The following DNMT3B variants were observed in gnomAD, a reference collection of about 807,000 sequenced individuals.
DNMT3B encodes the protein DNA (cytosine-5)-methyltransferase 3B.
Under a neutral mutation model 120.2 loss-of-function variants are expected in DNMT3B, and 37 were observed. That is an observed-to-expected ratio of 0.31 (90% CI 0.24 to 0.40). The LOEUF is 0.40. DNMT3B is among the 10% of genes least tolerant of loss of function. The pLI is 1.00. For synonymous variants in DNMT3B, 412 were observed against 442.8 expected (o/e 0.93, Z 0.87); for missense variants, 878 against 1,137.3 (o/e 0.77, Z 3.28).
intron 5 of DNMT3B, 39 bp downstream of exon 5, chr20:32,786,666 C>G: frequency 6.2e-7 from 1 of 1,612,794 alleles, no homozygotes; most frequent in South Asian, 1.1e-5. Context: ...CCCGCAGTCT[C>G]TAACTGGGAG....
chr20:32,787,421 C>T lies in DNMT3B; in HGVS notation c.624C>T (p.Asp208=), dbSNP rs1979457088. Reference sequence around the variant, plus strand: ...TGGAGTCCCCGCAGGTGGAGGCAGACAGTGGAGATGGAGACAGTTCAGAGT... The same window carrying T: ...TGGAGTCCCCGCAGGTGGAGGCAGATAGTGGAGATGGAGACAGTTCAGAGT... ...GGMESPQVEA[D]SGDGDSSEYQ... The change falls in exon 6 of 23, where the codon GAC becomes GAT. Residue 208 remains aspartate, a synonymous_variant. Transcript: ENST00000328111. 4 of 1,614,170 alleles carry T rather than the reference C, an allele frequency of 2.5e-6. No homozygotes were observed. The highest frequency in any genetic ancestry group is 3.4e-6 in the Non-Finnish European group (4 of 1,180,030).
At chr20:32,792,865 AG>A in intron 9 of DNMT3B, 95 bp downstream of exon 9, 1 of 1,551,074 alleles carries the variant, frequency 6.4e-7, no homozygotes, top group Non-Finnish European at 8.8e-7. Context: ...CACCCCACCC[AG>A]CTTTCTAGCA....
At chr20:32,788,433 A>G (rs1979583382) in intron 6 of DNMT3B, among the ~76,000 whole-genome samples, 1 of 152,078 alleles carries the variant, frequency 6.6e-6, no homozygotes, top group Non-Finnish European at 1.5e-5. Context: ...GTATGTATTT[A>G]TGTGTTGTTA....
At chr20:32,775,997 G>GGCGA (rs1319812975) in intron 1 of DNMT3B, among the ~76,000 whole-genome samples, 1 of 152,162 alleles carries the variant, frequency 6.6e-6, no homozygotes, top group Non-Finnish European at 1.5e-5. Flanking sequence ...CCCAGGCCAA[G>GGCGA]GCGAGTAGAT....
chr20:32,780,031 A>G, intron 1 of DNMT3B: 1 of 1,546,808 alleles, frequency 6.5e-7, no homozygotes. Flanking sequence ...AATTGCACAG[A>G]GCAGTCTGAG....
At chr20:32,782,054 A>G (rs1053294118) in intron 3 of DNMT3B, among the ~76,000 whole-genome samples, 5 of 152,252 alleles carry the variant, frequency 3.3e-5, no homozygotes, top group Non-Finnish European at 7.3e-5. Context: ...TCATATGCTG[A>G]AGTTGTTAGA....
Position 32,808,006 on chromosome 20 carries a change from G to A in DNMT3B, c.*103G>A, listed in dbSNP as rs1435071897. 5 of 1,592,412 alleles carry A rather than the reference G, an allele frequency of 3.1e-6. No individual in the cohort carries two copies. Among genetic ancestry groups the A allele is most frequent in the Non-Finnish European group, 4.3e-6 (5 of 1,167,390 alleles). On this transcript the variant is annotated 3_prime_UTR_variant, in exon 23 of 23. Coordinates refer to ENST00000328111, the MANE Select transcript of DNMT3B (RefSeq NM_006892.4). ...AGGCCCTGCTCTTCCTCAGCTGTGT[G>A]GGTCATACCGTGTACCTCAGTTCCC...
chr20:32,806,995 TTC>T (rs1982051474), intron 22 of DNMT3B, among the ~76,000 whole-genome samples: 2 of 152,248 alleles, frequency 1.3e-5, no homozygotes, highest in Non-Finnish European at 2.9e-5. Context: ...ACCAACAGTT[TTC>T]TGAGTATAAA....
intron 21 of DNMT3B, among the ~76,000 whole-genome samples, 166 bp from the exon 22 acceptor site, chr20:32,806,043 G>A (rs571665518): frequency 3.3e-5 from 5 of 151,816 alleles, no homozygotes; most frequent in Admixed American, 6.6e-5. Flanking sequence ...CCTCTCCCGC[G>A]CCTGCCCTCT....
chr20:32,802,716 G>T (rs551950531), intron 20 of DNMT3B, among the ~76,000 whole-genome samples: 2 of 152,118 alleles, frequency 1.3e-5, no homozygotes, highest in Non-Finnish European at 2.9e-5. Context: ...AAAGTCCCAC[G>T]TGGCTGGGTG....
rs368437593 is a variant in DNMT3B at position 32,809,123 on chromosome 20, T to A, written c.*1220T>A. On this transcript the variant is annotated 3_prime_UTR_variant, in exon 23 of 23. Coordinates refer to ENST00000328111, the MANE Select transcript of DNMT3B (RefSeq NM_006892.4). ...TTCTTACTGGTGCTATTTTGTAGAA[T>A]AAGGAACAACGTTGACAAGTTTTGT... 3.6e-4 allele frequency: 77 copies of A among 216,662 alleles called. No individual in the cohort carries two copies. The highest frequency in any genetic ancestry group is 1.5e-3 in the African/African-American group (66 of 44,612). 13.4% of individuals were successfully genotyped at this position (216,662 alleles called of 1,614,324 possible). A position where few individuals can be genotyped will look rare whatever the true frequency, so the allele number is the denominator to read the frequency against.
intron 2 of DNMT3B, among the ~76,000 whole-genome samples, chr20:32,780,704 G>A (rs1978507258): frequency 6.6e-6 from 1 of 152,152 alleles, no homozygotes; most frequent in Admixed American, 6.5e-5. Flanking sequence ...AAGGGTGATG[G>A]TTCCCTGTCC....
At chr20:32,767,848 A>G (rs1175406513) in intron 1 of DNMT3B, among the ~76,000 whole-genome samples, 2 of 152,184 alleles carry the variant, frequency 1.3e-5, no homozygotes, top group Non-Finnish European at 2.9e-5. Context: ...CTTCCTTTGG[A>G]AGAAGGCCTC....
chr20:32,774,651 A>C (rs1285200164), intron 1 of DNMT3B, among the ~76,000 whole-genome samples: 1 of 149,512 alleles, frequency 6.7e-6, no homozygotes, highest in African/African-American at 2.5e-5. Context: ...TGATTTTTCA[A>C]CCCTTGCTCC....
chr20:32,797,523 G>T (rs1980787259), intron 14 of DNMT3B, among the ~76,000 whole-genome samples: 3 of 152,170 alleles, frequency 2.0e-5, no homozygotes, highest in Admixed American at 2.0e-4. Flanking sequence ...TTGAGACAGG[G>T]TCTCCCTGTG....
At position 32,800,227 on chromosome 20, in the gene DNMT3B, G is replaced by T. The variant is rs762537914; in HGVS notation, c.1834G>T (p.Ala612Ser). The T allele has an allele frequency of 1.7e-5, 28 of 1,614,094 alleles. No individual in the cohort carries two copies. The highest frequency in any genetic ancestry group is 2.4e-5 in the Non-Finnish European group (28 of 1,180,048). Reference sequence around the variant, plus strand: ...TTCTGAAGTGTGTGAGGAGTCCATTGCTGTTGGAACCGTGAAGCACGAGGG... The same window carrying T: ...TTCTGAAGTGTGTGAGGAGTCCATTTCTGTTGGAACCGTGAAGCACGAGGG... ...VASEVCEESI[A>S]VGTVKHEGNI... Residue 612 changes from alanine (A) to serine (S), a missense_variant, in exon 17 of 23, where the codon GCT (alanine) becomes TCT (serine). Physicochemically the swap from Ala to Ser is moderately conservative, Grantham distance 99. This residue lies in a region of DNMT3B where 334 missense variants were observed against 518.8 expected (regional missense o/e 0.64). Coordinates refer to ENST00000328111, the MANE Select transcript of DNMT3B (RefSeq NM_006892.4).
Position 32,788,675 on chromosome 20 carries a change from C to T in DNMT3B, c.655-179C>T, listed in dbSNP as rs568479478. 7.9e-5 allele frequency among the ~76,000 whole-genome samples: 12 copies of T among 152,144 alleles called. No individual in the cohort carries two copies. In the South Asian group the frequency reaches 1.2e-3, roughly 16 times the overall value. On this transcript the variant is annotated intron_variant, in intron 6 of 22. Transcript: ENST00000328111. ...CTGGTATCCAACTCCTGGCCTCAAG[C>T]GATCCCCCTGCCTCGGTCTCCCAAA...
intron 1 of DNMT3B, among the ~76,000 whole-genome samples, chr20:32,779,174 G>C (rs1466472066): frequency 2.6e-5 from 4 of 152,166 alleles, no homozygotes; most frequent in Middle Eastern, 6.3e-3. Context: ...AGGGATGGGG[G>C]CCTGGAGGTC....
At chr20:32,770,322 C>G (rs1443777609) in intron 1 of DNMT3B, among the ~76,000 whole-genome samples, 1 of 151,284 alleles carries the variant, frequency 6.6e-6, no homozygotes, top group Non-Finnish European at 1.5e-5. Context: ...GTTTTTCACT[C>G]TTGTTGCCTA....
Sources: allele counts gnomAD v4.1 joint callset (sites outside exome capture counted in the v4.1 genomes callset), GRCh38; gene constraint gnomAD v4.1.1; regional missense constraint gnomAD v4.1.1; transcripts MANE v1.5; gene names NCBI Gene and HGNC (gene_info 2026-07-23, HGNC 2026-07-21).